Variants in UBR1 observed in about 807,000 individuals in gnomAD.
The protein encoded by UBR1 is ubiquitin protein ligase E3 component n-recognin 1.
In UBR1, 102 loss-of-function variants were observed where a neutral mutation model predicts 242.1. The ratio of observed to expected loss-of-function variants is 0.42; its 90% CI spans 0.36 to 0.50. The LOEUF (loss-of-function observed/expected upper bound fraction) is 0.50, where lower values mean the gene tolerates loss of function less well. Ranked by LOEUF, UBR1 falls within the 20% of genes least tolerant of loss-of-function variation. The pLI is 0.01. For synonymous variants in UBR1, 675 were observed against 684.8 expected (o/e 0.99, Z 0.22); for missense variants, 1,772 against 2,101.8 (o/e 0.84, Z 3.07).
intron 15 of UBR1, among the ~76,000 whole-genome samples, chr15:43,039,361 T>C (rs999219059): frequency 3.3e-5 from 5 of 152,218 alleles, no homozygotes; most frequent in African/African-American, 1.2e-4. Flanking sequence ...CGTTGAGCAA[T>C]GGTTTGTATT....
intron 1 of UBR1, among the ~76,000 whole-genome samples, chr15:43,089,759 C>A (rs1224700562): frequency 5.3e-5 from 8 of 152,028 alleles, no homozygotes; most frequent in African/African-American, 1.9e-4. Context: ...TTATTTTTGC[C>A]CAAAATGTAT....
chr15:42,969,143 A>T (rs1269664875), intron 40 of UBR1, among the ~76,000 whole-genome samples: 2 of 152,290 alleles, frequency 1.3e-5, no homozygotes, highest in East Asian at 3.9e-4. Context: ...AACAGTGTAA[A>T]AGTGTTCCTA....
chr15:43,072,157 A>C (rs189655148), intron 4 of UBR1, among the ~76,000 whole-genome samples: 3 of 152,276 alleles, frequency 2.0e-5, no homozygotes, highest in Admixed American at 6.5e-5. Context: ...CAGCCACCAT[A>C]ATAAGCTTTT....
At chr15:42,981,234 G>A (rs1012115752) in intron 37 of UBR1, among the ~76,000 whole-genome samples, 2 of 152,044 alleles carry the variant, frequency 1.3e-5, no homozygotes, top group African/African-American at 4.8e-5. Context: ...TTAAGCCACT[G>A]TAATTTTATT....
chr15:43,088,505 T>G lies in UBR1; in HGVS notation c.82-2265A>C, dbSNP rs75235179. 3.7e-3 allele frequency among the ~76,000 whole-genome samples: 564 copies of G among 152,246 alleles called. 2 individuals are homozygous for G. Among genetic ancestry groups the G allele is most frequent in the African/African-American group, 0.013 (534 of 41,566 alleles). On this transcript the variant is annotated intron_variant, in intron 1 of 46. Coordinates refer to ENST00000290650, the MANE Select transcript of UBR1 (RefSeq NM_174916.3). ...ACATTTGGGCTTTCTTTCTTTCTTT[T>G]TTTTTTTGAGATGAAATTTCGCTCT...
intron 33 of UBR1, among the ~76,000 whole-genome samples, chr15:42,993,637 C>T (rs746729434): frequency 4.6e-5 from 7 of 151,916 alleles, no homozygotes; most frequent in South Asian, 4.2e-4. Flanking sequence ...CAAAGTGCTG[C>T]GATTACAAGC....
At position 42,952,302 on chromosome 15, in the gene UBR1, C is replaced by T; in HGVS notation, c.4982G>A (p.Gly1661Glu). 1 of 1,614,176 alleles carries T rather than the reference C, an allele frequency of 6.2e-7. No homozygotes were observed. Among genetic ancestry groups the T allele is most frequent in the Non-Finnish European group, 8.5e-7 (1 of 1,180,050 alleles). ...CTTTAGGAAAATGCAGACTCCGGCTCCACAGTGAAGTGCGTGAAAAATGCA... is the reference window on the plus strand; with the variant it reads ...CTTTAGGAAAATGCAGACTCCGGCTTCACAGTGAAGTGCGTGAAAAATGCA... ...GACIFHALHCGAGVCIFLKIR... is the reference protein window; with the variant it reads ...GACIFHALHCEAGVCIFLKIR... The change falls in exon 45 of 47, where the codon GGA becomes GAA. Residue 1661 changes from glycine (G) to glutamate (E), a missense_variant. Transcript: ENST00000290650.
At chr15:43,032,041 C>T (rs1259866759) in intron 20 of UBR1, among the ~76,000 whole-genome samples, 1 of 151,892 alleles carries the variant, frequency 6.6e-6, no homozygotes, top group East Asian at 1.9e-4. Context: ...CTCAAAAAAA[C>T]AAAACAAAAC....
chr15:42,985,002 G>T, intron 35 of UBR1, 60 bp from the exon 36 acceptor site: 1 of 1,195,108 alleles, frequency 8.4e-7, no homozygotes. Context: ...ATCATATACT[G>T]TACTTTTTAT....
At chr15:43,026,145 T>A (rs2033175477) in intron 23 of UBR1, 2 of 185,134 alleles carry the variant, frequency 1.1e-5, no homozygotes, top group Non-Finnish European at 2.2e-5. Flanking sequence ...GGCAGGAGAA[T>A]CACTTGAACC....
chr15:42,950,542 T>A, intron 45 of UBR1, 179 bp from the exon 46 acceptor site: 1 of 614,586 alleles, frequency 1.6e-6, no homozygotes. Flanking sequence ...AGAACACTTA[T>A]TGCTATTTCT....
chr15:43,067,568 A>G (rs899068050), intron 6 of UBR1, among the ~76,000 whole-genome samples: 2 of 152,238 alleles, frequency 1.3e-5, no homozygotes, highest in African/African-American at 4.8e-5. Context: ...CTCAGAAATT[A>G]CCAACTTTTC....
intron 38 of UBR1, among the ~76,000 whole-genome samples, 196 bp downstream of exon 38, chr15:42,977,684 T>C (rs1036608124): frequency 6.2e-5 from 8 of 128,820 alleles, no homozygotes; most frequent in African/African-American, 2.7e-4. Context: ...TTGAAGTGCT[T>C]TTTTTTTTTT....
At chr15:43,025,160 A>G (rs1200714537) in intron 24 of UBR1, among the ~76,000 whole-genome samples, 177 bp from the exon 25 acceptor site, 2 of 152,240 alleles carry the variant, frequency 1.3e-5, no homozygotes, top group African/African-American at 2.4e-5. Context: ...TGTAAGTACT[A>G]TATCAGTCAC....
chr15:43,053,845 T>G (rs1476495325), intron 12 of UBR1, among the ~76,000 whole-genome samples: 1 of 150,112 alleles, frequency 6.7e-6, no homozygotes, highest in African/African-American at 2.5e-5. Flanking sequence ...TTTTTTTTTT[T>G]GAGATGCAGT....
At chr15:43,029,134 C>T (rs2033219600) in intron 21 of UBR1, among the ~76,000 whole-genome samples, 1 of 152,148 alleles carries the variant, frequency 6.6e-6, no homozygotes, top group African/African-American at 2.4e-5. Context: ...CGCACACACA[C>T]ACACATCTCT....
intron 6 of UBR1, among the ~76,000 whole-genome samples, chr15:43,065,011 G>A (rs2033735120): frequency 1.3e-5 from 2 of 151,980 alleles, no homozygotes; most frequent in Non-Finnish European, 2.9e-5. Flanking sequence ...AATGAGACAG[G>A]GTATAAATAT....
chr15:43,017,094 C>A lies in UBR1; in HGVS notation c.3027+1G>T. ...ACTACAGTGTTATTACAGTGTCATACCTCATCATTCTTAATAGATTCCGAT... is the reference window on the plus strand; with the variant it reads ...ACTACAGTGTTATTACAGTGTCATAACTCATCATTCTTAATAGATTCCGAT... On this transcript the variant is annotated splice_donor_variant, in intron 28 of 46. Transcript: ENST00000290650. LOFTEE classifies it high-confidence loss of function. 1 of 1,609,608 alleles carries A rather than the reference C, an allele frequency of 6.2e-7. No individual in the cohort carries two copies.
intron 9 of UBR1, 101 bp downstream of exon 9, chr15:43,058,984 T>C (rs2033650388): frequency 1.1e-6 from 1 of 923,696 alleles, no homozygotes; most frequent in Non-Finnish European, 1.7e-6. Context: ...AGATTACAGA[T>C]TTAATAACTA....
Sources: gnomAD v4.1 joint callset for allele counts (sites outside exome capture counted in the v4.1 genomes callset) on GRCh38, gnomAD v4.1.1 for gene constraint, MANE v1.5 for transcripts, NCBI Gene and HGNC (gene_info 2026-07-23, HGNC 2026-07-21) for gene names.